Variants in TSHZ2 observed in about 807,000 individuals in gnomAD.
TSHZ2 encodes teashirt homolog 2.
Under a neutral mutation model 74.4 loss-of-function variants are expected in TSHZ2, and 21 were observed. The observed-to-expected ratio is 0.28, with a 90% CI of 0.20 to 0.41. The LOEUF (loss-of-function observed/expected upper bound fraction) is 0.41, where lower values mean the gene tolerates loss of function less well. TSHZ2 is among the 10% of genes least tolerant of loss of function. The probability of loss-of-function intolerance (pLI) is 1.00; values close to 1 mark genes in which losing one functional copy is unlikely to be tolerated. For synonymous variants in TSHZ2, 540 were observed against 515.3 expected, an observed-to-expected ratio of 1.05 and a Z score of -0.65; for missense variants, 1,244 against 1,293.5, an observed-to-expected ratio of 0.96 and a Z score of 0.59.
intron 1 of TSHZ2, among the ~76,000 whole-genome samples, chr20:53,045,225 C>G (rs865982301): frequency 6.6e-6 from 1 of 152,192 alleles, no homozygotes; most frequent in Non-Finnish European, 1.5e-5. Flanking sequence ...GGGAAGAGTA[C>G]AGCGGGTCAT....
chr20:53,257,670 C>A (rs1006143125), intron 2 of TSHZ2, among the ~76,000 whole-genome samples: 1 of 152,194 alleles, frequency 6.6e-6, no homozygotes, highest in African/African-American at 2.4e-5. Context: ...ACACTAAGGG[C>A]CCTCCTATGT....
chr20:53,415,023 A>G (rs1983187440), intron 2 of TSHZ2, among the ~76,000 whole-genome samples: 1 of 152,222 alleles, frequency 6.6e-6, no homozygotes, highest in Non-Finnish European at 1.5e-5. Flanking sequence ...AGGGGTTATT[A>G]TTATACACGG....
At chr20:53,162,836 TAAG>T (rs1325241715) in intron 1 of TSHZ2, among the ~76,000 whole-genome samples, 4 of 152,204 alleles carry the variant, frequency 2.6e-5, no homozygotes, top group Non-Finnish European at 4.4e-5. Flanking sequence ...GGGGAGAAAA[TAAG>T]AAAGTTAATT....
At chr20:53,381,326 C>G (rs1168184403) in intron 2 of TSHZ2, among the ~76,000 whole-genome samples, 1 of 152,164 alleles carries the variant, frequency 6.6e-6, no homozygotes, top group Non-Finnish European at 1.5e-5. Flanking sequence ...GAAAATGAAC[C>G]CATTTGCTTG....
chr20:53,142,248 T>C (rs1394228728), intron 1 of TSHZ2, among the ~76,000 whole-genome samples: 1 of 152,230 alleles, frequency 6.6e-6, no homozygotes, highest in African/African-American at 2.4e-5. Context: ...TTTCACTCTC[T>C]TCCTAGGGTC....
chr20:53,028,282 C>T lies in TSHZ2; in HGVS notation c.40+54949C>T, dbSNP rs79786706. Among the ~76,000 whole-genome samples, 150 of 152,316 alleles carry T rather than the reference C, an allele frequency of 9.8e-4. 2 individuals carry two copies. In the East Asian group the frequency reaches 0.027, roughly 28 times the overall value. ...CCTTCACCTGGATGGATTTTCCAAGCAGTGCTGAGAATAACAAAGGTTCAT... is the reference window on the plus strand; with the variant it reads ...CCTTCACCTGGATGGATTTTCCAAGTAGTGCTGAGAATAACAAAGGTTCAT... On this transcript the variant is annotated intron_variant, in intron 1 of 2. Coordinates refer to ENST00000371497, the MANE Select transcript of TSHZ2 (RefSeq NM_173485.6).
chr20:53,335,783 G>A (rs921068588), intron 2 of TSHZ2, among the ~76,000 whole-genome samples: 2 of 151,448 alleles, frequency 1.3e-5, no homozygotes, highest in Non-Finnish European at 2.9e-5. Flanking sequence ...CTTCTCACAA[G>A]CACTAGAAAA....
chr20:53,109,299 A>G (rs1986464870), intron 1 of TSHZ2, among the ~76,000 whole-genome samples: 1 of 152,234 alleles, frequency 6.6e-6, no homozygotes, highest in Admixed American at 6.5e-5. Context: ...ACTCTCAGGT[A>G]ATAATTTCAT....
chr20:53,020,925 A>G (rs12480541), intron 1 of TSHZ2, among the ~76,000 whole-genome samples: 6,920 of 152,264 alleles, frequency 0.045, 354 homozygotes, highest in South Asian at 0.14. Context: ...TCAGGCTAGT[A>G]TTAACCCTCA....
chr20:52,998,030 T>A, intron 1 of TSHZ2, among the ~76,000 whole-genome samples: 1 of 152,220 alleles, frequency 6.6e-6, no homozygotes, highest in African/African-American at 2.4e-5. Context: ...CAGGGGGGGA[T>A]TCGTGAGCAC....
chr20:53,379,252 C>T (rs1007173741), intron 2 of TSHZ2, among the ~76,000 whole-genome samples: 2 of 152,124 alleles, frequency 1.3e-5, no homozygotes, highest in East Asian at 1.9e-4. Flanking sequence ...CGTGGTGTCA[C>T]GCGCCTGTAG....
intron 1 of TSHZ2, among the ~76,000 whole-genome samples, chr20:53,094,262 C>T (rs1600686478): frequency 1.3e-5 from 2 of 152,260 alleles, no homozygotes; most frequent in Admixed American, 6.5e-5. Flanking sequence ...ACCACCAAAT[C>T]CCATGTTTGA....
At chr20:53,127,355 TTA>T (rs1986973676) in intron 1 of TSHZ2, among the ~76,000 whole-genome samples, 1 of 152,174 alleles carries the variant, frequency 6.6e-6, no homozygotes, top group East Asian at 1.9e-4. Context: ...GGGCTAAGTA[TTA>T]TAAAGAAAAC....
At chr20:53,118,409 T>C (rs1041629223) in intron 1 of TSHZ2, among the ~76,000 whole-genome samples, 4 of 149,674 alleles carry the variant, frequency 2.7e-5, no homozygotes, top group Non-Finnish European at 4.5e-5. Context: ...GAGGGAGAGG[T>C]CTCAGAAAAA....
At chr20:53,485,283 G>T (rs913540216) in intron 2 of TSHZ2, among the ~76,000 whole-genome samples, 1 of 152,140 alleles carries the variant, frequency 6.6e-6, no homozygotes, top group East Asian at 1.9e-4. Context: ...TTACATTATC[G>T]TAGTATCATA....
intron 2 of TSHZ2, among the ~76,000 whole-genome samples, chr20:53,375,169 A>T (rs981173095): frequency 1.3e-5 from 2 of 152,184 alleles, no homozygotes; most frequent in African/African-American, 4.8e-5. Flanking sequence ...TCAATTTTTT[A>T]AATCATTAGG....
intron 2 of TSHZ2, among the ~76,000 whole-genome samples, chr20:53,322,445 G>A (rs1979307627): frequency 6.6e-6 from 1 of 152,060 alleles, no homozygotes; most frequent in Admixed American, 6.5e-5. Context: ...CTCAAGAGGT[G>A]GAGGTTGCAA....
chr20:53,110,727 A>G lies in TSHZ2; in HGVS notation c.40+137394A>G, dbSNP rs1238764288. On this transcript the variant is annotated intron_variant, in intron 1 of 2. Transcript: ENST00000371497. ...ATGGCAGAGAAAAGTTGGGAGGCAG[A>G]TAACATTAAAATAAAATAAAATAAA... Among the ~76,000 whole-genome samples the G allele has an allele frequency of 2.1e-5, 3 of 145,328 alleles. No individual in the cohort carries two copies. In the Admixed American group the frequency reaches 2.1e-4, roughly 10 times the overall value.
chr20:53,256,906 A>G lies in TSHZ2; in HGVS notation c.*8+335A>G, dbSNP rs1342379175. Among the ~76,000 whole-genome samples the G allele has an allele frequency of 6.6e-6, 1 of 152,210 alleles. No homozygotes were observed. The highest frequency in any genetic ancestry group is 2.4e-5 in the African/African-American group (1 of 41,452). On this transcript the variant is annotated intron_variant, in intron 2 of 2. Transcript: ENST00000371497. The surrounding 1 kb of genome is among the most constrained non-coding windows in gnomAD (Gnocchi z 4.3). ...GCCAAGGCTATCTTTCATTTTAATTATTAGATACTAACTTCTGTCACCATT... is the reference window on the plus strand; with the variant it reads ...GCCAAGGCTATCTTTCATTTTAATTGTTAGATACTAACTTCTGTCACCATT...
Sources: allele counts gnomAD v4.1 joint callset (sites outside exome capture counted in the v4.1 genomes callset), GRCh38; gene constraint gnomAD v4.1.1; non-coding constraint Gnocchi (gnomAD v3.1); transcripts MANE v1.5; gene names NCBI Gene and HGNC (gene_info 2026-07-23, HGNC 2026-07-21).